Variants in RMDN2 observed in about 807,000 individuals in gnomAD.
The protein encoded by RMDN2 is regulator of microtubule dynamics protein 2.
A neutral mutation model predicts 52.8 loss-of-function variants in RMDN2; 61 were observed. The ratio of observed to expected loss-of-function variants is 1.16; its 90% CI spans 0.94 to 1.43. The LOEUF is 1.43. Ranked by LOEUF, RMDN2 falls within the 40% of genes most tolerant of loss-of-function variation. The pLI, the probability that RMDN2 is intolerant of heterozygous loss-of-function variation, is 0.00. For synonymous variants in RMDN2, 180 were observed against 153.1 expected, an observed-to-expected ratio of 1.18 and a Z score of -1.30; for missense variants, 592 against 475.3, an observed-to-expected ratio of 1.25 and a Z score of -2.28.
intron 8 of RMDN2, 40 bp downstream of exon 8, chr2:37,997,554 T>G (rs1345722724): frequency 8.0e-7 from 1 of 1,249,870 alleles, no homozygotes; most frequent in South Asian, 1.2e-5. Flanking sequence ...TCAGACTGAT[T>G]ACCATCTGCA....
intron 10 of RMDN2, among the ~76,000 whole-genome samples, chr2:38,040,384 A>G (rs1375549164): frequency 6.6e-6 from 1 of 152,130 alleles, no homozygotes; most frequent in South Asian, 2.1e-4. Context: ...TTGGAGAGTG[A>G]TTAAGTCATG....
chr2:37,965,291 A>AT (rs1473858574), intron 2 of RMDN2, among the ~76,000 whole-genome samples: 1 of 140,832 alleles, frequency 7.1e-6, no homozygotes, highest in African/African-American at 2.6e-5. Context: ...TATGCCATAG[A>AT]TTTTTTTGTC....
At chr2:37,945,414 C>T (rs1305981962) in intron 2 of RMDN2, among the ~76,000 whole-genome samples, 3 of 152,148 alleles carry the variant, frequency 2.0e-5, no homozygotes, top group East Asian at 1.9e-4. Context: ...ACACATTTGT[C>T]TTCGGAAGTC....
chr2:37,968,557 T>C (rs1175227496), intron 2 of RMDN2, among the ~76,000 whole-genome samples: 2 of 152,224 alleles, frequency 1.3e-5, no homozygotes, highest in East Asian at 3.8e-4. Context: ...ATACACTCTT[T>C]TATTTTCACA....
chr2:38,034,824 A>G (rs1157996788), intron 10 of RMDN2, among the ~76,000 whole-genome samples: 1 of 71,222 alleles, frequency 1.4e-5, no homozygotes, highest in Non-Finnish European at 2.4e-5. Context: ...TTGATTTTAA[A>G]ATTTAATAAG....
In RMDN2 at chr2:37,974,215, G is replaced by A; in HGVS notation, c.627+1G>A. The A allele has an allele frequency of 6.2e-7, 1 of 1,607,126 alleles. No homozygotes were observed. Among genetic ancestry groups the A allele is most frequent in the Non-Finnish European group, 8.5e-7 (1 of 1,176,310 alleles). ...ACTACTTCGTGACCACAAAGAAAAG[G>A]TAAGAGACATAACAATAGCACTTCG... is the stretch of plus-strand genomic sequence containing the variant. On this transcript the variant is annotated splice_donor_variant, in intron 3 of 10. Coordinates refer to ENST00000354545, the MANE Select transcript of RMDN2 (RefSeq NM_001170791.3). LOFTEE classifies it high-confidence loss of function.
chr2:37,964,788 G>A (rs950139588), intron 2 of RMDN2, among the ~76,000 whole-genome samples: 1 of 152,062 alleles, frequency 6.6e-6, no homozygotes, highest in Non-Finnish European at 1.5e-5. Flanking sequence ...TTGGGTCATT[G>A]AATTCGTTTA....
chr2:38,043,968 C>G (rs754936031), intron 10 of RMDN2, among the ~76,000 whole-genome samples: 1 of 152,006 alleles, frequency 6.6e-6, no homozygotes, highest in Non-Finnish European at 1.5e-5. Context: ...CTTTCTTTAT[C>G]CAAGTGTCTG....
chr2:37,991,927 GA>G (rs1674856486), intron 7 of RMDN2, among the ~76,000 whole-genome samples: 1 of 152,088 alleles, frequency 6.6e-6, no homozygotes, highest in Admixed American at 6.6e-5. Context: ...AAGAATATGT[GA>G]AAAAAATTAT....
At chr2:38,040,045 C>CATTATTATTATT (rs60031771) in intron 10 of RMDN2, among the ~76,000 whole-genome samples, 3,899 of 141,616 alleles carry the variant, frequency 0.028, 75 homozygotes, top group Middle Eastern at 0.044. Context: ...TGTCTAGATT[C>CATTATTATTATT]ATTATTATTA....
chr2:37,923,220 T>C (rs1169121126), upstream of RMDN2: 1 of 152,228 alleles, frequency 6.6e-6, no homozygotes, highest in Non-Finnish European at 1.5e-5. Context: ...TGGTTGTCAC[T>C]GTCCCTGAGT....
chr2:37,927,456 G>T (rs900241799), intron 1 of RMDN2, among the ~76,000 whole-genome samples: 8 of 152,214 alleles, frequency 5.3e-5, no homozygotes, highest in African/African-American at 1.9e-4. Context: ...AGCAAAATAA[G>T]ACTTTCCCAC....
At chr2:38,054,485 C>T (rs977143595) in intron 10 of RMDN2, among the ~76,000 whole-genome samples, 3 of 152,204 alleles carry the variant, frequency 2.0e-5, no homozygotes, top group African/African-American at 7.2e-5. Flanking sequence ...ATAGGTGATG[C>T]ATTATGGATA....
chr2:37,945,457 T>C (rs937446196), intron 2 of RMDN2, among the ~76,000 whole-genome samples: 9 of 152,196 alleles, frequency 5.9e-5, no homozygotes, highest in Non-Finnish European at 8.8e-5. Context: ...AAACTTGAAG[T>C]GTCCAACATC....
At chr2:37,985,574 A>G (rs192617638) in intron 5 of RMDN2, among the ~76,000 whole-genome samples, 5 of 152,270 alleles carry the variant, frequency 3.3e-5, no homozygotes, top group South Asian at 4.1e-4. Context: ...ATCACTGTCA[A>G]TCTGGGGGTG....
At chr2:37,984,227 G>C (rs577981419) in intron 5 of RMDN2, among the ~76,000 whole-genome samples, 1 of 152,248 alleles carries the variant, frequency 6.6e-6, no homozygotes, top group South Asian at 2.1e-4. Context: ...ATAAGATTCA[G>C]TTGTTTTTGT....
chr2:38,037,713 C>T (rs1216019301), intron 10 of RMDN2, among the ~76,000 whole-genome samples: 2 of 152,192 alleles, frequency 1.3e-5, no homozygotes, highest in African/African-American at 4.8e-5. Context: ...TTCCCGTTGG[C>T]TATTGGGAGC....
chr2:38,003,562 A>AGATAGATAGATG (rs1676618401), intron 8 of RMDN2, among the ~76,000 whole-genome samples: 1 of 149,552 alleles, frequency 6.7e-6, no homozygotes, highest in South Asian at 2.1e-4. Context: ...ATAGATAGAT[A>AGATAGATAGATG]GATAGATAGA....
At chr2:38,025,984 G>A (rs1233550957) in intron 10 of RMDN2, among the ~76,000 whole-genome samples, 2 of 151,956 alleles carry the variant, frequency 1.3e-5, no homozygotes, top group African/African-American at 4.8e-5. Context: ...AAAGTACCCT[G>A]CCTTCTTCAT....
Sources: gnomAD v4.1 joint callset for allele counts (sites outside exome capture counted in the v4.1 genomes callset) on GRCh38, gnomAD v4.1.1 for gene constraint, MANE v1.5 for transcripts, NCBI Gene and HGNC (gene_info 2026-07-23, HGNC 2026-07-21) for gene names.